JARID2: variants seen among roughly 807,000 people sequenced by gnomAD.
The protein encoded by JARID2 is jumonji and AT-rich interaction domain containing 2, also known as protein Jumonji.
A neutral mutation model predicts 125.6 loss-of-function variants in JARID2; 21 were observed. That is an observed-to-expected ratio of 0.17 (90% CI 0.12 to 0.24). The LOEUF is 0.24. Ranked by LOEUF, JARID2 falls within the 10% of genes least tolerant of loss-of-function variation. JARID2 has a pLI of 1.00. For missense variants in JARID2, 1,303 were observed against 1,639.6 expected, an observed-to-expected ratio of 0.79 and a Z score of 3.55; for synonymous variants, 736 against 661.6, an observed-to-expected ratio of 1.11 and a Z score of -1.73.
intron 12 of JARID2, 144 bp from the exon 13 acceptor site, chr6:15,511,152 C>T (rs1427465101): frequency 1.5e-6 from 1 of 656,598 alleles, no homozygotes. Flanking sequence ...ACCAGGCACC[C>T]AGCCAGGCCA....
At chr6:15,359,513 C>T (rs538489605) in intron 1 of JARID2, among the ~76,000 whole-genome samples, 3 of 152,096 alleles carry the variant, frequency 2.0e-5, no homozygotes, top group Admixed American at 6.6e-5. Flanking sequence ...TTTAGCTACC[C>T]GCGTGGGCAG....
At chr6:15,262,936 G>A (rs1165791855) in intron 1 of JARID2, among the ~76,000 whole-genome samples, 8 of 152,122 alleles carry the variant, frequency 5.3e-5, no homozygotes, top group South Asian at 2.1e-4. Context: ...GTGCTTATAC[G>A]TATTACTACT....
At chr6:15,491,349 AGGCTCCT>A (rs1380639386) in intron 6 of JARID2, among the ~76,000 whole-genome samples, 1 of 152,132 alleles carries the variant, frequency 6.6e-6, no homozygotes, top group Admixed American at 6.5e-5. Context: ...CTTGGCTAGG[AGGCTCCT>A]GCCCATCTGC....
intron 3 of JARID2, among the ~76,000 whole-genome samples, chr6:15,441,241 G>T (rs1159886170): frequency 6.6e-6 from 1 of 152,174 alleles, no homozygotes; most frequent in Non-Finnish European, 1.5e-5. Context: ...AAGAACTTTG[G>T]GGTGTAATGA....
chr6:15,449,881 A>G (rs1472299614), intron 3 of JARID2, among the ~76,000 whole-genome samples: 2 of 152,102 alleles, frequency 1.3e-5, no homozygotes, highest in Admixed American at 6.5e-5. Context: ...CATACAAGGG[A>G]ATTTAAGGTT....
Position 15,246,284 on chromosome 6 carries a change from T to C in JARID2, c.-256T>C, listed in dbSNP as rs1759181884. Reference sequence around the variant, plus strand: ...TGTGTATGTGTTTCGGGGGAAATTTTCCATTATGAGTGTTTTACTAAAGTG... The same window carrying C: ...TGTGTATGTGTTTCGGGGGAAATTTCCCATTATGAGTGTTTTACTAAAGTG... On this transcript the variant is annotated 5_prime_UTR_variant, in exon 1 of 18. Coordinates refer to ENST00000341776, the MANE Select transcript of JARID2 (RefSeq NM_004973.4). 1.8e-6 allele frequency: 1 copy of C among 552,410 alleles called. No individual in the cohort carries two copies. The highest frequency in any genetic ancestry group is 2.4e-5 in the South Asian group (1 of 41,662). The allele number at this position is 552,410 out of a possible 1,614,324, so 34.2% of individuals were successfully genotyped here.
intron 1 of JARID2, among the ~76,000 whole-genome samples, chr6:15,289,550 G>GT (rs1477212489): frequency 6.9e-6 from 1 of 144,016 alleles, no homozygotes; most frequent in Non-Finnish European, 1.5e-5. Context: ...TCTTTAAATT[G>GT]TAAAAAAAAA....
At chr6:15,418,397 T>C (rs899329478) in intron 3 of JARID2, among the ~76,000 whole-genome samples, 2 of 152,104 alleles carry the variant, frequency 1.3e-5, no homozygotes, top group Non-Finnish European at 2.9e-5. Context: ...TTTGTATTTT[T>C]AGTAGAGACG....
chr6:15,433,428 G>C lies in JARID2; in HGVS notation c.324-18578G>C, dbSNP rs934265656. ...TGTCTCTCTGTGTGTGTGTGTGTGTGTGTGTGTGTGTGTGTGTGTGTGTAT... is the reference window on the plus strand; with the variant it reads ...TGTCTCTCTGTGTGTGTGTGTGTGTCTGTGTGTGTGTGTGTGTGTGTGTAT... On this transcript the variant is annotated intron_variant, in intron 3 of 17. Coordinates refer to ENST00000341776, the MANE Select transcript of JARID2 (RefSeq NM_004973.4). Among the ~76,000 whole-genome samples the C allele has an allele frequency of 6.1e-5, 9 of 147,696 alleles. No individual in the cohort carries two copies. The South Asian group carries it at 1.1e-3, about 18-fold the overall frequency.
At chr6:15,422,118 T>C (rs928689509) in intron 3 of JARID2, among the ~76,000 whole-genome samples, 20 of 152,198 alleles carry the variant, frequency 1.3e-4, no homozygotes, top group African/African-American at 4.3e-4. Flanking sequence ...GGTCCTTTTG[T>C]TTAAGGACCC....
At chr6:15,271,773 G>A (rs969198582) in intron 1 of JARID2, among the ~76,000 whole-genome samples, 1 of 152,238 alleles carries the variant, frequency 6.6e-6, no homozygotes, top group Non-Finnish European at 1.5e-5. Flanking sequence ...GCTGAGGCTG[G>A]CAGATCACTT....
chr6:15,262,578 G>C (rs1195726887), intron 1 of JARID2, among the ~76,000 whole-genome samples: 1 of 148,362 alleles, frequency 6.7e-6, no homozygotes, highest in Non-Finnish European at 1.5e-5. Context: ...TCTAGCCCAG[G>C]CTGGAGTGCA....
chr6:15,423,216 T>C (rs1051013440), intron 3 of JARID2, among the ~76,000 whole-genome samples: 3 of 152,094 alleles, frequency 2.0e-5, no homozygotes, highest in African/African-American at 7.2e-5. Context: ...CTCAGGCTGG[T>C]CTCGAACTCC....
At position 15,371,729 on chromosome 6, in the gene JARID2, C is replaced by T. The variant is rs149505804; in HGVS notation, c.46-2388C>T. 1.2e-4 allele frequency among the ~76,000 whole-genome samples: 18 copies of T among 152,284 alleles called. 1 individual carries two copies. Among genetic ancestry groups the T allele is most frequent in the African/African-American group, 3.6e-4 (15 of 41,562 alleles). On this transcript the variant is annotated intron_variant, in intron 1 of 17. Coordinates refer to ENST00000341776, the MANE Select transcript of JARID2 (RefSeq NM_004973.4). ...TTGGGAAGGTCTCCAGTGACCTACA[C>T]GCAGTAGCAGGTTAGAAATTGTGTT...
At chr6:15,260,254 C>G (rs762816773) in intron 1 of JARID2, among the ~76,000 whole-genome samples, 2 of 152,108 alleles carry the variant, frequency 1.3e-5, no homozygotes, top group Non-Finnish European at 2.9e-5. Flanking sequence ...AACTTCTGAA[C>G]TTGACTTACT....
chr6:15,452,790 C>G (rs562051687), intron 4 of JARID2, among the ~76,000 whole-genome samples: 2 of 152,246 alleles, frequency 1.3e-5, no homozygotes, highest in African/African-American at 4.8e-5. Flanking sequence ...TTCCTTATTA[C>G]TAAGTTTTCT....
chr6:15,509,051 C>G, intron 12 of JARID2: 6 of 1,289,266 alleles, frequency 4.7e-6, no homozygotes, highest in Non-Finnish European at 6.1e-6. Context: ...CATGTGGAGA[C>G]ACGCGCGTTA....
rs372313431 is a variant in JARID2 at position 15,436,419 on chromosome 6, C to T, written c.324-15587C>T. Among the ~76,000 whole-genome samples the T allele has an allele frequency of 1.1e-4, 17 of 152,294 alleles. No homozygotes were observed. In the East Asian group the frequency reaches 1.5e-3, roughly 14 times the overall value. On this transcript the variant is annotated intron_variant, in intron 3 of 17. Transcript: ENST00000341776. The stretch of plus-strand genomic sequence containing the variant: ...ACAACCAGCCGCTTGTGTCGTCTTC[C>T]GCTGATGTGTTCCTCAGGACGTCCA...
At chr6:15,286,058 G>A (rs912839855) in intron 1 of JARID2, among the ~76,000 whole-genome samples, 10 of 152,060 alleles carry the variant, frequency 6.6e-5, no homozygotes, top group African/African-American at 2.2e-4. Flanking sequence ...TTGTTTGTTT[G>A]TTTCCTGAGT....
Sources: allele counts gnomAD v4.1 joint callset (sites outside exome capture counted in the v4.1 genomes callset), GRCh38; gene constraint gnomAD v4.1.1; transcripts MANE v1.5; gene names NCBI Gene and HGNC (gene_info 2026-07-23, HGNC 2026-07-21).